The following HEMK2 variants were observed in gnomAD, a reference collection of about 807,000 sequenced individuals.
HEMK2 encodes the protein methyltransferase HEMK2.
At chr21:28,593,950 T>C in the HEMK2 span, among the ~76,000 whole-genome samples, 1 of 152,132 alleles carries the variant, frequency 6.6e-6, no homozygotes, top group Admixed American at 6.5e-5. Flanking sequence ...AGAGCAACTT[T>C]CAACAGCAAA....
the HEMK2 span, among the ~76,000 whole-genome samples, chr21:28,784,645 A>G: frequency 1.3e-5 from 2 of 152,096 alleles, no homozygotes; most frequent in African/African-American, 4.8e-5. Context: ...AAATGCACCA[A>G]TCAGTGCTCT....
At chr21:28,874,216 C>A in the HEMK2 span, 1 of 152,176 alleles carries the variant, frequency 6.6e-6, no homozygotes, top group African/African-American at 2.4e-5. Context: ...AACTGAGTTT[C>A]TTGTAATGCT....
the HEMK2 span, among the ~76,000 whole-genome samples, chr21:28,696,297 C>T: frequency 1.2e-4 from 19 of 152,284 alleles, no homozygotes; most frequent in African/African-American, 4.3e-4. Context: ...GGGGTACAGG[C>T]ATTGGGTAAA....
the HEMK2 span, among the ~76,000 whole-genome samples, chr21:28,847,211 G>A: frequency 5.3e-5 from 8 of 152,146 alleles, no homozygotes; most frequent in South Asian, 2.1e-4. Flanking sequence ...CGCTTTCCAC[G>A]GTGGCTGAAT....
At chr21:28,746,504 G>A in the HEMK2 span, among the ~76,000 whole-genome samples, 2 of 152,116 alleles carry the variant, frequency 1.3e-5, no homozygotes, top group Non-Finnish European at 2.9e-5. Flanking sequence ...GTAGGGAGAT[G>A]AGCAACGGAA....
chr21:28,587,034 T>A, the HEMK2 span, among the ~76,000 whole-genome samples: 1 of 152,134 alleles, frequency 6.6e-6, no homozygotes, highest in Non-Finnish European at 1.5e-5. Flanking sequence ...ATATTTATGA[T>A]TACAAAAAAC....
At chr21:28,746,822 G>A in the HEMK2 span, among the ~76,000 whole-genome samples, 10 of 152,116 alleles carry the variant, frequency 6.6e-5, no homozygotes, top group South Asian at 4.1e-4. Flanking sequence ...GAAGGGAGAG[G>A]GTGGAAGAGG....
chr21:28,685,408 G>C, the HEMK2 span, among the ~76,000 whole-genome samples: 1 of 152,138 alleles, frequency 6.6e-6, no homozygotes, highest in African/African-American at 2.4e-5. Context: ...ACTTTCATCA[G>C]AAAGTCACAA....
At chr21:28,752,685 GCCTTGTGTCCTTAGCAAGTCTCTGCA>G in the HEMK2 span, among the ~76,000 whole-genome samples, 1 of 152,172 alleles carries the variant, frequency 6.6e-6, no homozygotes, top group African/African-American at 2.4e-5. Flanking sequence ...TCTTTTCCCA[GCCTTGTGTCCTTAGCAAGTCTCTGCA>G]CCACGTCCTC....
At chr21:28,839,716 G>A in the HEMK2 span, among the ~76,000 whole-genome samples, 2 of 152,106 alleles carry the variant, frequency 1.3e-5, no homozygotes, top group African/African-American at 4.8e-5. Flanking sequence ...AGAAATCATA[G>A]ACAACATCAA....
the HEMK2 span, among the ~76,000 whole-genome samples, chr21:28,769,950 T>C: frequency 6.6e-6 from 1 of 152,138 alleles, no homozygotes; most frequent in Non-Finnish European, 1.5e-5. Flanking sequence ...GGCTAATGAA[T>C]TACATCATAA....
At chr21:28,862,176 T>A in the HEMK2 span, among the ~76,000 whole-genome samples, 16,421 of 152,158 alleles carry the variant, frequency 0.11, 1,339 homozygotes, top group African/African-American at 0.22. Flanking sequence ...CTCTTAGTAT[T>A]ACCATGCCCT....
chr21:28,601,604 ATCTCTC>A, the HEMK2 span, among the ~76,000 whole-genome samples: 8,038 of 126,728 alleles, frequency 0.063, 238 homozygotes, highest in African/African-American at 0.073. Context: ...ACCTTCTGAC[ATCTCTC>A]TCTCTCTCTC....
At chr21:28,651,198 G>A in the HEMK2 span, among the ~76,000 whole-genome samples, 11 of 152,148 alleles carry the variant, frequency 7.2e-5, no homozygotes, top group Non-Finnish European at 1.2e-4. Flanking sequence ...TCAAATACCA[G>A]TCACTTTAAA....
At chr21:28,718,718 T>A in the HEMK2 span, among the ~76,000 whole-genome samples, 3 of 152,202 alleles carry the variant, frequency 2.0e-5, no homozygotes. Context: ...ATATGCTGCA[T>A]TTTTCTCAAT....
At chr21:28,733,613 A>G in the HEMK2 span, among the ~76,000 whole-genome samples, 1 of 151,758 alleles carries the variant, frequency 6.6e-6, no homozygotes. Flanking sequence ...TGGGTCACCA[A>G]TGTTTTGAAT....
chr21:28,641,708 T>C, the HEMK2 span, among the ~76,000 whole-genome samples: 8 of 152,204 alleles, frequency 5.3e-5, no homozygotes, highest in African/African-American at 1.7e-4. Context: ...TAGAAAAATA[T>C]AGTGGTTTTT....
At chr21:28,680,670 G>A in the HEMK2 span, among the ~76,000 whole-genome samples, 5 of 152,094 alleles carry the variant, frequency 3.3e-5, no homozygotes, top group Non-Finnish European at 5.9e-5. Flanking sequence ...CTGGCAAACC[G>A]AATCCAGCAG....
the HEMK2 span, among the ~76,000 whole-genome samples, chr21:28,807,398 C>T: frequency 6.6e-6 from 1 of 152,202 alleles, no homozygotes; most frequent in Non-Finnish European, 1.5e-5. Flanking sequence ...CTGGGAGACA[C>T]ATTCTGAGGT....
Sources: allele counts gnomAD v4.1 joint callset (sites outside exome capture counted in the v4.1 genomes callset), GRCh38; gene constraint gnomAD v4.1.1; transcripts MANE v1.5; gene names NCBI Gene and HGNC (gene_info 2026-07-23, HGNC 2026-07-21).